The following ZBBX variants were observed in gnomAD, a reference collection of about 807,000 sequenced individuals.
ZBBX encodes zinc finger B-box domain-containing protein 1.
In ZBBX, 101 loss-of-function variants were observed where a neutral mutation model predicts 108.5. The ratio of observed to expected loss-of-function variants is 0.93; its 90% CI spans 0.79 to 1.10. The LOEUF (loss-of-function observed/expected upper bound fraction) is 1.10, where lower values mean the gene tolerates loss of function less well. Ranked by LOEUF, ZBBX falls within the 50% of genes least tolerant of loss-of-function variation. The pLI, the probability that ZBBX is intolerant of heterozygous loss-of-function variation, is 0.00. For synonymous variants in ZBBX, 356 were observed against 323.4 expected, an observed-to-expected ratio of 1.10 and a Z score of -1.08; for missense variants, 1,009 against 941.4, an observed-to-expected ratio of 1.07 and a Z score of -0.94.
At chr3:167,330,809 G>A (rs13066053) in intron 10 of ZBBX, among the ~76,000 whole-genome samples, 7 of 142,690 alleles carry the variant, frequency 4.9e-5, no homozygotes, top group South Asian at 4.7e-4. Flanking sequence ...GAAGAAGAAG[G>A]AGGAGGAGAA....
chr3:167,282,173 T>A (rs981918058), intron 20 of ZBBX, 65 bp downstream of exon 20: 71 of 1,485,756 alleles, frequency 4.8e-5, no homozygotes, highest in Non-Finnish European at 5.9e-5. Flanking sequence ...GCGCAAGATA[T>A]GAAGAATCCG....
the ZBBX span, among the ~76,000 whole-genome samples, chr3:167,207,897 C>A: frequency 6.6e-6 from 1 of 152,286 alleles, no homozygotes; most frequent in African/African-American, 2.4e-5. Context: ...CTTTACATCA[C>A]TGAAAGAGGG....
chr3:167,380,838 A>G (rs1419751691), upstream of ZBBX, among the ~76,000 whole-genome samples: 1 of 150,400 alleles, frequency 6.6e-6, no homozygotes, highest in Admixed American at 6.7e-5. Context: ...TCTAATGGGT[A>G]TAAAACAAAA....
At chr3:167,401,990 T>C (rs540561797) in intron 1 of ZBBX, among the ~76,000 whole-genome samples, 3 of 152,150 alleles carry the variant, frequency 2.0e-5, no homozygotes, top group Non-Finnish European at 4.4e-5. Flanking sequence ...CAGTGAGATC[T>C]GGCAGGTCTG....
chr3:167,238,537 T>TATTA (rs930851264), downstream of ZBBX, among the ~76,000 whole-genome samples: 1 of 152,052 alleles, frequency 6.6e-6, no homozygotes, highest in Non-Finnish European at 1.5e-5. Context: ...TAGTACAGTT[T>TATTA]ATTAATGCCA....
the ZBBX span, among the ~76,000 whole-genome samples, chr3:167,190,120 T>C: frequency 6.6e-6 from 1 of 152,164 alleles, no homozygotes; most frequent in Non-Finnish European, 1.5e-5. Context: ...TCCTTTTTCA[T>C]AAATATTGTC....
At chr3:167,378,153 G>T (rs1397398970) in intron 2 of ZBBX, among the ~76,000 whole-genome samples, 1 of 152,076 alleles carries the variant, frequency 6.6e-6, no homozygotes, top group Non-Finnish European at 1.5e-5. Context: ...ACCCAGTCTT[G>T]GGTATTTCTT....
chr3:167,258,754 G>A (rs1332990237), intron 20 of ZBBX, among the ~76,000 whole-genome samples: 1 of 152,136 alleles, frequency 6.6e-6, no homozygotes, highest in Non-Finnish European at 1.5e-5. Context: ...TTTTAATTCT[G>A]TGTATGTGGT....
At position 167,242,607 on chromosome 3, in the gene ZBBX, T is replaced by A; in HGVS notation, c.2291A>T (p.Glu764Val). The A allele has an allele frequency of 4.3e-6, 7 of 1,613,654 alleles. No individual in the cohort carries two copies. Among genetic ancestry groups the A allele is most frequent in the Non-Finnish European group, 5.9e-6 (7 of 1,179,810 alleles). The change falls in exon 21 of 22, where the codon GAG (glutamate) becomes GTG (valine). Residue 764 changes from glutamate (E) to valine (V), a missense_variant. Physicochemically the swap from Glu to Val is moderately radical, Grantham distance 121. Transcript: ENST00000675490. ...SEKLYSLTSEEFPDFSSQSLN... is the reference protein window; with the variant it reads ...SEKLYSLTSEVFPDFSSQSLN... ...TGATTGGCTGCTGAAATCTGGGAAC[T>A]CTTCTGAGGTTAAGCTGTAAAGCTT...
At chr3:167,375,843 TA>T (rs1746875030) in intron 2 of ZBBX, among the ~76,000 whole-genome samples, 1 of 152,150 alleles carries the variant, frequency 6.6e-6, no homozygotes, top group South Asian at 2.1e-4. Flanking sequence ...TTACACAAAA[TA>T]ATTACTACAT....
chr3:167,182,003 C>G, the ZBBX span, among the ~76,000 whole-genome samples: 1 of 152,152 alleles, frequency 6.6e-6, no homozygotes, highest in Non-Finnish European at 1.5e-5. Flanking sequence ...AATTGGGGTC[C>G]CATCTTTATT....
intron 5 of ZBBX, among the ~76,000 whole-genome samples, 168 bp downstream of exon 5, chr3:167,368,293 A>G (rs1560192666): frequency 1.3e-5 from 2 of 151,970 alleles, no homozygotes; most frequent in Non-Finnish European, 1.5e-5. Flanking sequence ...GTCTCATCTA[A>G]GTGGCACAAA....
intron 11 of ZBBX, among the ~76,000 whole-genome samples, chr3:167,327,138 T>TA (rs547596997): frequency 0.029 from 3,285 of 115,246 alleles, 44 homozygotes; most frequent in African/African-American, 0.04. Flanking sequence ...AGCGAAATTA[T>TA]AAAAAAAAAA....
At chr3:167,257,780 G>C (rs966845999) in intron 20 of ZBBX, among the ~76,000 whole-genome samples, 1 of 151,920 alleles carries the variant, frequency 6.6e-6, no homozygotes, top group African/African-American at 2.4e-5. Context: ...TCATGTGTTT[G>C]TTGGCCATTT....
chr3:167,203,036 T>C, the ZBBX span, among the ~76,000 whole-genome samples: 80 of 152,266 alleles, frequency 5.3e-4, no homozygotes, highest in African/African-American at 1.8e-3. Flanking sequence ...ATATAAAATA[T>C]GGGAAAAGCA....
intron 1 of ZBBX, among the ~76,000 whole-genome samples, chr3:167,401,041 C>A (rs186506570): frequency 2.0e-5 from 3 of 152,240 alleles, no homozygotes; most frequent in African/African-American, 7.2e-5. Context: ...ACAACACAAT[C>A]TACCACTATT....
chr3:167,324,700 C>T (rs977273497), intron 11 of ZBBX, among the ~76,000 whole-genome samples: 2 of 152,110 alleles, frequency 1.3e-5, no homozygotes, highest in South Asian at 2.1e-4. Context: ...TGTGCCAACA[C>T]CTGGCCTCTA....
chr3:167,245,950 C>G (rs1721499869), intron 20 of ZBBX, among the ~76,000 whole-genome samples: 1 of 152,028 alleles, frequency 6.6e-6, no homozygotes, highest in South Asian at 2.1e-4. Flanking sequence ...CATTGTTATA[C>G]AGTGGCAAGA....
At chr3:167,246,002 C>A (rs1224279542) in intron 20 of ZBBX, among the ~76,000 whole-genome samples, 1 of 152,174 alleles carries the variant, frequency 6.6e-6, no homozygotes, top group East Asian at 1.9e-4. Context: ...TTGTGCCTTG[C>A]CTCTGCTATA....
Sources: allele counts gnomAD v4.1 joint callset (sites outside exome capture counted in the v4.1 genomes callset), GRCh38; gene constraint gnomAD v4.1.1; transcripts MANE v1.5; gene names NCBI Gene and HGNC (gene_info 2026-07-23, HGNC 2026-07-21).